The following SLC4A5 variants were observed in gnomAD, a reference collection of about 807,000 sequenced individuals.
SLC4A5 encodes the protein solute carrier family 4 member 5.
In SLC4A5, 96 loss-of-function variants were observed where a neutral mutation model predicts 120.4. The observed-to-expected ratio is 0.80, with a 90% CI of 0.68 to 0.94. The LOEUF (loss-of-function observed/expected upper bound fraction) is 0.94. SLC4A5 is among the 40% of genes least tolerant of loss of function. SLC4A5 has a pLI of 0.00. For missense variants in SLC4A5, 1,259 were observed against 1,459.5 expected (o/e 0.86, Z 2.24); for synonymous variants, 550 against 571.1 (o/e 0.96, Z 0.53).
At chr2:74,223,301 G>A (rs1203509591) in intron 28 of SLC4A5, among the ~76,000 whole-genome samples, 2 of 152,120 alleles carry the variant, frequency 1.3e-5, no homozygotes, top group Non-Finnish European at 1.5e-5. Context: ...CACCGCGCGT[G>A]GCCAACAACT....
intron 12 of SLC4A5, among the ~76,000 whole-genome samples, chr2:74,257,597 G>T (rs1377961608): frequency 6.6e-6 from 1 of 152,018 alleles, no homozygotes; most frequent in Non-Finnish European, 1.5e-5. Flanking sequence ...GATTTGTTTT[G>T]AGACAAGAGT....
intron 6 of SLC4A5, among the ~76,000 whole-genome samples, chr2:74,310,927 C>T (rs1423254666): frequency 6.6e-6 from 1 of 151,198 alleles, no homozygotes; most frequent in African/African-American, 2.4e-5. Flanking sequence ...ATCATGAAGG[C>T]CTGTTGCTCT....
intron 30 of SLC4A5, among the ~76,000 whole-genome samples, chr2:74,219,208 TG>T (rs1484314914): frequency 3.9e-4 from 46 of 118,724 alleles, no homozygotes; most frequent in African/African-American, 1.3e-3. Flanking sequence ...TGTGTGTGTG[TG>T]TGTGTGTGTG....
intron 8 of SLC4A5, among the ~76,000 whole-genome samples, chr2:74,270,015 AG>A (rs1378349045): frequency 6.6e-6 from 1 of 152,228 alleles, no homozygotes; most frequent in East Asian, 1.9e-4. Flanking sequence ...CACACAGACA[AG>A]GGCGATAACC....
chr2:74,218,564 A>C (rs1694514365), exon 31 of SLC4A5: 3 of 152,604 alleles, frequency 2.0e-5, no homozygotes, highest in Admixed American at 2.0e-4. Context: ...AGAGAAGTTA[A>C]GACCCTCCCA....
At chr2:74,314,860 T>C in intron 6 of SLC4A5, 85 bp downstream of exon 6, 3 of 1,266,624 alleles carry the variant, frequency 2.4e-6, no homozygotes, top group Non-Finnish European at 3.5e-6. Context: ...CCCTAGACTC[T>C]CCTGCTGAAA....
At chr2:74,227,962 C>G in intron 25 of SLC4A5, 84 bp from the exon 26 acceptor site, 2 of 967,854 alleles carry the variant, frequency 2.1e-6, no homozygotes, top group Admixed American at 6.1e-5. Context: ...GGCTCCTGAC[C>G]ACAGAGGCAG....
At chr2:74,259,756 T>A in intron 11 of SLC4A5, 113 bp from the exon 12 acceptor site, 1 of 920,932 alleles carries the variant, frequency 1.1e-6, no homozygotes, top group Non-Finnish European at 1.8e-6. Context: ...GCAAACTCCC[T>A]CCCCCTTAAT....
intron 8 of SLC4A5, among the ~76,000 whole-genome samples, chr2:74,265,916 G>A (rs1671287458): frequency 6.6e-6 from 1 of 152,082 alleles, no homozygotes; most frequent in African/African-American, 2.4e-5. Context: ...TGTTCAAGTA[G>A]AAAGGCCTCA....
chr2:74,218,886 G>A (rs1033467127), intron 30 of SLC4A5, 94 bp from the exon 31 acceptor site: 1 of 152,508 alleles, frequency 6.6e-6, no homozygotes, highest in African/African-American at 2.4e-5. Flanking sequence ...TTCCATCTTT[G>A]CTTCTGAACT....
chr2:74,265,740 T>C (rs1671282269), intron 8 of SLC4A5, among the ~76,000 whole-genome samples: 1 of 152,334 alleles, frequency 6.6e-6, no homozygotes, highest in Non-Finnish European at 1.5e-5. Flanking sequence ...ACGAAAAGTA[T>C]TTCTCCCTGA....
intron 10 of SLC4A5, among the ~76,000 whole-genome samples, chr2:74,263,877 G>C (rs1671217397): frequency 6.6e-6 from 1 of 152,222 alleles, no homozygotes; most frequent in African/African-American, 2.4e-5. Flanking sequence ...CCAGGCATTA[G>C]GACACATCTC....
At chr2:74,274,974 T>C (rs770947201) in intron 8 of SLC4A5, among the ~76,000 whole-genome samples, 3 of 152,336 alleles carry the variant, frequency 2.0e-5, no homozygotes, top group South Asian at 4.1e-4. Context: ...TAGGATCAGA[T>C]TGATAGGGCC....
chr2:74,229,247 G>GTT (rs71406869), intron 25 of SLC4A5, among the ~76,000 whole-genome samples: 9 of 134,312 alleles, frequency 6.7e-5, no homozygotes, highest in Non-Finnish European at 9.9e-5. Context: ...ATTCGAAGGT[G>GTT]TTTTTTTTTT....
At chr2:74,226,006 C>T (rs922690567) in intron 27 of SLC4A5, among the ~76,000 whole-genome samples, 3 of 152,188 alleles carry the variant, frequency 2.0e-5, no homozygotes, top group African/African-American at 7.2e-5. Flanking sequence ...CCTTTCCCTT[C>T]GCCAGCTCTG....
At chr2:74,246,872 T>G (rs1670627241) in intron 19 of SLC4A5, among the ~76,000 whole-genome samples, 164 bp downstream of exon 19, 1 of 152,222 alleles carries the variant, frequency 6.6e-6, no homozygotes. Flanking sequence ...CCCCTTGGTT[T>G]CCTTCCAAAC....
exon 31 of SLC4A5, chr2:74,218,216 A>G (rs1228446204): frequency 1.3e-5 from 2 of 152,250 alleles, no homozygotes; most frequent in Non-Finnish European, 2.9e-5. Context: ...AAGATGGTCT[A>G]GTGACATAAA....
At chr2:74,256,494 G>A (rs1268113166) in intron 12 of SLC4A5, among the ~76,000 whole-genome samples, 2 of 152,186 alleles carry the variant, frequency 1.3e-5, no homozygotes, top group Non-Finnish European at 2.9e-5. Flanking sequence ...ACCCCCAGGG[G>A]ACCTCCCAAG....
intron 27 of SLC4A5, 31 bp downstream of exon 27, chr2:74,226,925 AG>A: frequency 1.2e-6 from 2 of 1,601,326 alleles, no homozygotes; most frequent in Non-Finnish European, 1.7e-6. Flanking sequence ...CCAACCTGCC[AG>A]GCAGGAGGGG....
Sources: allele counts gnomAD v4.1 joint callset (sites outside exome capture counted in the v4.1 genomes callset), GRCh38; gene constraint gnomAD v4.1.1; transcripts MANE v1.5; gene names NCBI Gene and HGNC (gene_info 2026-07-23, HGNC 2026-07-21).